QKI: variants seen among roughly 807,000 people sequenced by gnomAD.
QKI encodes QKI, KH domain containing RNA binding, also known as KH domain-containing RNA-binding protein QKI.
QKI carries 10 observed loss-of-function variants against 39.0 expected under a neutral mutation model. The ratio of observed to expected loss-of-function variants is 0.26; its 90% CI spans 0.16 to 0.43. The LOEUF (loss-of-function observed/expected upper bound fraction) is 0.43, where lower values mean the gene tolerates loss of function less well. Ranked by LOEUF, QKI falls within the 20% of genes least tolerant of loss-of-function variation. QKI has a pLI of 1.00. For synonymous variants in QKI, 204 were observed against 155.4 expected, an observed-to-expected ratio of 1.31 and a Z score of -2.33; for missense variants, 218 against 428.0, an observed-to-expected ratio of 0.51 and a Z score of 4.33.
intron 2 of QKI, among the ~76,000 whole-genome samples, chr6:163,461,810 G>C (rs1046189004): frequency 6.6e-6 from 1 of 152,072 alleles, no homozygotes; most frequent in Non-Finnish European, 1.5e-5. Context: ...GCTAATAACA[G>C]AATCTTCCTC....
At chr6:163,532,355 T>A (rs1034758816) in intron 3 of QKI, among the ~76,000 whole-genome samples, 11 of 152,180 alleles carry the variant, frequency 7.2e-5, no homozygotes, top group Non-Finnish European at 1.3e-4. Flanking sequence ...TTGAGTGAAT[T>A]GATTGGGGGG....
chr6:163,508,055 G>A (rs1412244863), intron 3 of QKI, among the ~76,000 whole-genome samples: 3 of 152,070 alleles, frequency 2.0e-5, no homozygotes, highest in Non-Finnish European at 4.4e-5. Context: ...CATAACTGTT[G>A]AGGAAAGAGT....
chr6:163,441,261 T>G (rs1789743856), intron 1 of QKI, among the ~76,000 whole-genome samples: 1 of 152,188 alleles, frequency 6.6e-6, no homozygotes, highest in African/African-American at 2.4e-5. Flanking sequence ...TCTAAACTTC[T>G]CAAGTCCAGA....
chr6:163,535,444 C>G (rs913763070), intron 4 of QKI, among the ~76,000 whole-genome samples: 4 of 151,984 alleles, frequency 2.6e-5, no homozygotes, highest in South Asian at 2.1e-4. Context: ...CCCTCTGCCC[C>G]CCTTCCTTGG....
At chr6:163,500,269 T>G (rs1778677915) in intron 3 of QKI, among the ~76,000 whole-genome samples, 2 of 152,196 alleles carry the variant, frequency 1.3e-5, no homozygotes, top group Non-Finnish European at 2.9e-5. Context: ...AGAGTTGTCT[T>G]TAGCAATTAG....
intron 1 of QKI, among the ~76,000 whole-genome samples, chr6:163,453,266 CTATT>C (rs1172024393): frequency 1.3e-5 from 2 of 151,462 alleles, no homozygotes; most frequent in African/African-American, 2.4e-5. Context: ...TTTTCTTTTT[CTATT>C]TATTTCAGAT....
At chr6:163,499,811 G>T (rs1045625880) in intron 3 of QKI, among the ~76,000 whole-genome samples, 1 of 152,138 alleles carries the variant, frequency 6.6e-6, no homozygotes, top group Admixed American at 6.6e-5. Context: ...AAAACTGGGA[G>T]GTTCTTGCTC....
intron 2 of QKI, among the ~76,000 whole-genome samples, chr6:163,466,215 T>A (rs1398876441): frequency 6.6e-6 from 1 of 151,832 alleles, no homozygotes; most frequent in East Asian, 1.9e-4. Flanking sequence ...AAAAGATGCC[T>A]GCTCGCTGAA....
At chr6:163,512,891 G>A (rs1453781544) in intron 3 of QKI, among the ~76,000 whole-genome samples, 1 of 152,066 alleles carries the variant, frequency 6.6e-6, no homozygotes, top group Non-Finnish European at 1.5e-5. Flanking sequence ...GAACAGTAGA[G>A]TAGATTAAAA....
chr6:163,440,850 T>C (rs1266129487), intron 1 of QKI, among the ~76,000 whole-genome samples: 1 of 150,718 alleles, frequency 6.6e-6, no homozygotes, highest in Non-Finnish European at 1.5e-5. Context: ...AAAATCATTA[T>C]ATTGTATCAT....
intron 1 of QKI, among the ~76,000 whole-genome samples, chr6:163,431,679 A>G (rs1788839893): frequency 1.3e-5 from 2 of 152,032 alleles, no homozygotes; most frequent in Admixed American, 1.3e-4. Context: ...AATAGAATAT[A>G]TTATCTCCCC....
At chr6:163,449,701 A>G (rs557814301) in intron 1 of QKI, among the ~76,000 whole-genome samples, 1 of 152,112 alleles carries the variant, frequency 6.6e-6, no homozygotes, top group East Asian at 1.9e-4. Context: ...CCTAATTTTG[A>G]TTTTCTTAGT....
intron 3 of QKI, among the ~76,000 whole-genome samples, chr6:163,491,516 T>A (rs1045568040): frequency 6.6e-6 from 1 of 152,038 alleles, no homozygotes; most frequent in Non-Finnish European, 1.5e-5. Flanking sequence ...AAAATAAAAT[T>A]CATTTTAGAT....
At chr6:163,528,921 C>T (rs909548495) in intron 3 of QKI, among the ~76,000 whole-genome samples, 2 of 152,106 alleles carry the variant, frequency 1.3e-5, no homozygotes, top group African/African-American at 2.4e-5. Flanking sequence ...TGTAATTTGC[C>T]TGTGCTGTCA....
chr6:163,576,140 T>C lies in QKI; in HGVS notation c.*5430T>C, dbSNP rs946902379. 2 of 152,224 alleles carry C rather than the reference T, an allele frequency of 1.3e-5. No individual in the cohort carries two copies. The highest frequency in any genetic ancestry group is 2.9e-5 in the Non-Finnish European group (2 of 68,038). 9.4% of individuals were successfully genotyped at this position (152,224 alleles called of 1,614,324 possible). ...AAATATGGACAATATTTTAGAAATA[T>C]GTGCTACACATCTAATTTTATCTGT... On this transcript the variant is annotated 3_prime_UTR_variant, in exon 8 of 8. Coordinates refer to ENST00000361752, the MANE Select transcript of QKI (RefSeq NM_006775.3).
intron 1 of QKI, among the ~76,000 whole-genome samples, chr6:163,429,207 A>T (rs2128210322): frequency 6.6e-6 from 1 of 152,306 alleles, no homozygotes; most frequent in South Asian, 2.1e-4. Context: ...AATTTCTTTC[A>T]GTAATCCTAA....
intron 1 of QKI, among the ~76,000 whole-genome samples, chr6:163,451,253 A>G (rs753401586): frequency 6.6e-6 from 1 of 152,242 alleles, no homozygotes; most frequent in Non-Finnish European, 1.5e-5. Flanking sequence ...CTTAAACATC[A>G]TCACCTCTTA....
chr6:163,510,301 A>G (rs147091760), intron 3 of QKI, among the ~76,000 whole-genome samples: 1,937 of 151,666 alleles, frequency 0.013, 42 homozygotes, highest in African/African-American at 0.045. Context: ...GCTCATGCCC[A>G]TAATCCCAAC....
At chr6:163,534,941 AAAG>A in intron 3 of QKI, 38 bp from the exon 4 acceptor site, 1 of 1,495,544 alleles carries the variant, frequency 6.7e-7, no homozygotes, top group Non-Finnish European at 9.1e-7. Flanking sequence ...CTCTCTCTTT[AAAG>A]AGAATAATTT....
Sources: allele counts gnomAD v4.1 joint callset (sites outside exome capture counted in the v4.1 genomes callset), GRCh38; gene constraint gnomAD v4.1.1; transcripts MANE v1.5; gene names NCBI Gene and HGNC (gene_info 2026-07-23, HGNC 2026-07-21).